Variants in CCDC125 observed in about 807,000 individuals in gnomAD.
CCDC125 encodes coiled-coil domain containing 125, also known as coiled-coil domain-containing protein 125.
In CCDC125, 43 loss-of-function variants were observed where a neutral mutation model predicts 57.4. That is an observed-to-expected ratio of 0.75 (90% confidence interval 0.59 to 0.97). CCDC125 has a LOEUF of 0.97. Ranked by LOEUF, CCDC125 falls within the 50% of genes least tolerant of loss-of-function variation. The pLI, the probability that CCDC125 is intolerant of heterozygous loss-of-function variation, is 0.00. For missense variants in CCDC125, 563 were observed against 595.7 expected (o/e 0.95, Z 0.57); for synonymous variants, 187 against 195.2 (o/e 0.96, Z 0.35).
At chr5:69,299,060 T>A (rs1219136288) in intron 8 of CCDC125, among the ~76,000 whole-genome samples, 1 of 152,180 alleles carries the variant, frequency 6.6e-6, no homozygotes, top group Non-Finnish European at 1.5e-5. Flanking sequence ...TGCTCAGGAC[T>A]ATGCAGGTAT....
At chr5:69,306,734 C>T in intron 6 of CCDC125, 83 bp downstream of exon 6, 1 of 1,300,884 alleles carries the variant, frequency 7.7e-7, no homozygotes, top group Non-Finnish European at 9.9e-7. Flanking sequence ...TTGCACTTGG[C>T]TCAAAGAAGA....
chr5:69,321,005 T>C (rs1258112156), intron 1 of CCDC125, among the ~76,000 whole-genome samples: 2 of 151,678 alleles, frequency 1.3e-5, no homozygotes, highest in Admixed American at 1.3e-4. Flanking sequence ...AGAAAAATGG[T>C]GGTTACCAGA....
At chr5:69,325,064 C>T (rs1387487485) in intron 1 of CCDC125, among the ~76,000 whole-genome samples, 2 of 152,120 alleles carry the variant, frequency 1.3e-5, no homozygotes, top group African/African-American at 2.4e-5. Context: ...GTGGTTCATG[C>T]CTGCATCTCA....
Position 69,322,222 on chromosome 5 carries a change from T to A in CCDC125, c.-40-1642A>T, listed in dbSNP as rs183788256. 1.5e-3 allele frequency among the ~76,000 whole-genome samples: 234 copies of A among 151,560 alleles called. 1 individual carries two copies. Among genetic ancestry groups the A allele is most frequent in the Non-Finnish European group, 2.5e-3 (171 of 67,892 alleles). On this transcript the variant is annotated intron_variant, in intron 1 of 11. Coordinates refer to ENST00000396496, the MANE Select transcript of CCDC125 (RefSeq NM_176816.5). Reference sequence around the variant, plus strand: ...CTGGTCTCCAACTCGTGGGCTCAAGTGATTCTCCCAGTTCAGCCTCTGGAG... The same window carrying A: ...CTGGTCTCCAACTCGTGGGCTCAAGAGATTCTCCCAGTTCAGCCTCTGGAG...
chr5:69,288,841 G>A (rs970261677), intron 10 of CCDC125, among the ~76,000 whole-genome samples: 1 of 152,180 alleles, frequency 6.6e-6, no homozygotes, highest in Non-Finnish European at 1.5e-5. Flanking sequence ...GGAAATGATA[G>A]GATACCCAGC....
intron 8 of CCDC125, among the ~76,000 whole-genome samples, chr5:69,299,111 CTTTT>C (rs11451510): frequency 9.3e-5 from 12 of 129,454 alleles, no homozygotes; most frequent in East Asian, 2.3e-4. Context: ...TTCTTTCTTT[CTTTT>C]TTTTTTTTTT....
At position 69,287,625 on chromosome 5, in the gene CCDC125, A is replaced by G. The variant is rs185006169; in HGVS notation, c.1100-2158T>C. Among the ~76,000 whole-genome samples, 731 of 151,196 alleles carry G rather than the reference A, an allele frequency of 4.8e-3. 6 individuals are homozygous for G. Among genetic ancestry groups the G allele is most frequent in the South Asian group, 0.017 (81 of 4,774 alleles). On this transcript the variant is annotated intron_variant, in intron 10 of 11. Transcript: ENST00000396496. ...TGCTCCATCACCCAGGCTGGACTGC[A>G]GTGGTGGGATCATGACTCACTGCAG...
intron 2 of CCDC125, among the ~76,000 whole-genome samples, chr5:69,317,887 C>T (rs546597630): frequency 6.6e-6 from 1 of 151,570 alleles, no homozygotes; most frequent in East Asian, 1.9e-4. Flanking sequence ...CCCCTTCATT[C>T]TGGTGCTCAG....
intron 8 of CCDC125, among the ~76,000 whole-genome samples, chr5:69,298,262 C>T (rs1755749461): frequency 6.6e-6 from 1 of 152,154 alleles, no homozygotes; most frequent in Admixed American, 6.5e-5. Flanking sequence ...GATCCGCCCG[C>T]CTCGGCCTCC....
intron 8 of CCDC125, among the ~76,000 whole-genome samples, chr5:69,297,622 G>C (rs1015449082): frequency 3.3e-5 from 5 of 151,606 alleles, no homozygotes; most frequent in African/African-American, 1.2e-4. Flanking sequence ...CCCCCGCAAA[G>C]TGCTGGGATT....
chr5:69,278,554 C>A (rs911531417), downstream of CCDC125, among the ~76,000 whole-genome samples: 1 of 152,004 alleles, frequency 6.6e-6, no homozygotes, highest in African/African-American at 2.4e-5. Context: ...TCACTTTCCC[C>A]AGAGGGAAAT....
intron 6 of CCDC125, among the ~76,000 whole-genome samples, chr5:69,304,877 C>T (rs2150458603): frequency 6.6e-6 from 1 of 152,172 alleles, no homozygotes; most frequent in East Asian, 1.9e-4. Context: ...ATACACAGGT[C>T]CTCATGTAAA....
chr5:69,288,293 C>T (rs1475909865), intron 10 of CCDC125, among the ~76,000 whole-genome samples: 1 of 152,114 alleles, frequency 6.6e-6, no homozygotes, highest in Non-Finnish European at 1.5e-5. Context: ...CCAGGGGAAC[C>T]AATCTTGTGA....
intron 2 of CCDC125, among the ~76,000 whole-genome samples, chr5:69,315,117 A>G (rs969119652): frequency 8.6e-5 from 13 of 151,614 alleles, no homozygotes; most frequent in Non-Finnish European, 1.6e-4. Context: ...TTAGCTGGGC[A>G]TGGTGGTGCC....
chr5:69,287,433 T>C (rs147864166), intron 10 of CCDC125, among the ~76,000 whole-genome samples: 5,960 of 151,824 alleles, frequency 0.039, 415 homozygotes, highest in African/African-American at 0.14. Flanking sequence ...CCAGCCAATT[T>C]TGTATTTTTA....
At chr5:69,284,093 C>T (rs533284483) in intron 11 of CCDC125, among the ~76,000 whole-genome samples, 44 of 150,352 alleles carry the variant, frequency 2.9e-4, no homozygotes, top group Non-Finnish European at 2.7e-4. Flanking sequence ...CCAGCCCCGA[C>T]GATTATTTTT....
At chr5:69,276,232 T>C (rs917369502), downstream of CCDC125, among the ~76,000 whole-genome samples, 24 of 152,128 alleles carry the variant, frequency 1.6e-4, no homozygotes, top group Non-Finnish European at 2.9e-5. Flanking sequence ...TTTCGCCACG[T>C]TGGCCAAGCT....
rs1756115507 is a variant in CCDC125, at chr5:69,299,997, T to C, written c.816+15A>G. On this transcript the variant is annotated intron_variant, in intron 8 of 11. Transcript: ENST00000396496. ...AAATGTCCCTTCTGTTCAGCTTTCCTGCATGCTTACCTACCTCAAGACCTG... is the reference window on the plus strand; with the variant it reads ...AAATGTCCCTTCTGTTCAGCTTTCCCGCATGCTTACCTACCTCAAGACCTG... 1.3e-6 allele frequency: 2 copies of C among 1,582,764 alleles called. No homozygotes were observed. Among genetic ancestry groups the C allele is most frequent in the African/African-American group, 1.3e-5 (1 of 74,330 alleles).
At chr5:69,313,113 T>C (rs1400732741) in intron 3 of CCDC125, among the ~76,000 whole-genome samples, 1 of 151,924 alleles carries the variant, frequency 6.6e-6, no homozygotes, top group Non-Finnish European at 1.5e-5. Flanking sequence ...CTGGGGTGCC[T>C]GGGGGGAACT....
Sources: allele counts gnomAD v4.1 joint callset (sites outside exome capture counted in the v4.1 genomes callset), GRCh38; gene constraint gnomAD v4.1.1; transcripts MANE v1.5; gene names NCBI Gene and HGNC (gene_info 2026-07-23, HGNC 2026-07-21).